The following FIP1L1 variants were observed in gnomAD, a reference collection of about 807,000 sequenced individuals.
FIP1L1 encodes the protein factor interacting with PAPOLA and CPSF1, also known as pre-mRNA 3'-end-processing factor FIP1.
FIP1L1 carries 21 observed loss-of-function variants against 84.6 expected under a neutral mutation model. That is an observed-to-expected ratio of 0.25 (90% CI 0.18 to 0.36). The LOEUF (loss-of-function observed/expected upper bound fraction) is 0.36. FIP1L1 is among the 10% of genes least tolerant of loss of function. The pLI is 1.00. For synonymous variants in FIP1L1, 263 were observed against 242.3 expected (o/e 1.09, Z -0.80); for missense variants, 526 against 751.1 (o/e 0.70, Z 3.50).
intron 5 of FIP1L1, among the ~76,000 whole-genome samples, chr4:53,388,030 T>C (rs1742050290): frequency 6.6e-6 from 1 of 152,228 alleles, no homozygotes; most frequent in African/African-American, 2.4e-5. Flanking sequence ...AGTAGTAATA[T>C]TTGGTCCACT....
chr4:53,390,476 C>T (rs1030609504), intron 6 of FIP1L1, 45 bp from the exon 7 acceptor site: 22 of 1,248,386 alleles, frequency 1.8e-5, no homozygotes, highest in Non-Finnish European at 2.6e-5. Flanking sequence ...TATCGCCTGG[C>T]TTCTTGCAAG....
chr4:53,380,176 CGTG>C (rs1737055256), intron 3 of FIP1L1, among the ~76,000 whole-genome samples: 1 of 99,436 alleles, frequency 1.0e-5, no homozygotes, highest in East Asian at 2.4e-4. Context: ...AAAACTTGTA[CGTG>C]AATATTCATA....
intron 9 of FIP1L1, among the ~76,000 whole-genome samples, chr4:53,397,789 G>T (rs1279217862): frequency 1.3e-5 from 2 of 152,130 alleles, no homozygotes. Context: ...TAATTTCTAT[G>T]GTTCTTTTTT....
At chr4:53,456,035 A>T (rs1264493103) in intron 16 of FIP1L1, among the ~76,000 whole-genome samples, 1 of 152,146 alleles carries the variant, frequency 6.6e-6, no homozygotes, top group Non-Finnish European at 1.5e-5. Flanking sequence ...GACTTTAGCC[A>T]ATTAAGTGCA....
chr4:53,418,593 G>A lies in FIP1L1; in HGVS notation c.923+3871G>A, dbSNP rs539891357. Among the ~76,000 whole-genome samples, 4 of 152,304 alleles carry A rather than the reference G, an allele frequency of 2.6e-5. No homozygotes were observed. The South Asian group carries it at 8.3e-4, about 32-fold the overall frequency. ...GAAACTGGTAATATGGATGATTGCT[G>A]TAAACATATCCTAATGCACAGTTTA... On this transcript the variant is annotated intron_variant, in intron 11 of 17. Transcript: ENST00000337488.
chr4:53,453,211 T>A, intron 16 of FIP1L1, 78 bp downstream of exon 16: 1 of 1,528,670 alleles, frequency 6.5e-7, no homozygotes, highest in South Asian at 1.1e-5. Context: ...AGGAAGTGAA[T>A]TTCAGTTCAC....
intron 16 of FIP1L1, among the ~76,000 whole-genome samples, chr4:53,454,984 C>T (rs1427865751): frequency 6.6e-6 from 1 of 152,158 alleles, no homozygotes; most frequent in Non-Finnish European, 1.5e-5. Flanking sequence ...TACTGCTTCA[C>T]CTTGTACTTT....
chr4:53,380,473 A>G (rs560672778), intron 3 of FIP1L1, among the ~76,000 whole-genome samples: 1 of 152,332 alleles, frequency 6.6e-6, no homozygotes, highest in Non-Finnish European at 1.5e-5. Context: ...GGAATTAGAT[A>G]GTTGTGATGG....
At chr4:53,426,428 G>T (rs1000509801) in intron 12 of FIP1L1, among the ~76,000 whole-genome samples, 2 of 152,158 alleles carry the variant, frequency 1.3e-5, no homozygotes, top group Admixed American at 6.5e-5. Flanking sequence ...CCTGAGTTTT[G>T]ATTGTGATCC....
chr4:53,402,670 C>T (rs1750913745), intron 10 of FIP1L1, among the ~76,000 whole-genome samples: 1 of 152,116 alleles, frequency 6.6e-6, no homozygotes, highest in East Asian at 1.9e-4. Context: ...CCACTGCACT[C>T]CAGCCTTGGC....
At chr4:53,419,972 G>T (rs923155356) in intron 11 of FIP1L1, among the ~76,000 whole-genome samples, 8 of 151,974 alleles carry the variant, frequency 5.3e-5, no homozygotes, top group Admixed American at 5.2e-4. Flanking sequence ...ACTTTGGGAG[G>T]CCGAGGCGGG....
chr4:53,405,553 T>C (rs1178215187), intron 10 of FIP1L1, among the ~76,000 whole-genome samples: 1 of 149,224 alleles, frequency 6.7e-6, no homozygotes, highest in East Asian at 2.0e-4. Context: ...AGAAAGTCAT[T>C]GGTAGCTTGA....
intron 10 of FIP1L1, among the ~76,000 whole-genome samples, chr4:53,402,211 G>A (rs1750620370): frequency 6.6e-6 from 1 of 152,154 alleles, no homozygotes. Flanking sequence ...TCCTGACCAG[G>A]ATCATTTTCA....
At chr4:53,414,854 G>A in intron 11 of FIP1L1, 132 bp downstream of exon 11, 2 of 567,596 alleles carry the variant, frequency 3.5e-6, no homozygotes, top group Non-Finnish European at 6.2e-6. Flanking sequence ...TCAGGGTACA[G>A]TTGTAGGTTT....
chr4:53,420,011 A>G (rs1428898250), intron 11 of FIP1L1, among the ~76,000 whole-genome samples: 6 of 151,804 alleles, frequency 4.0e-5, no homozygotes, highest in South Asian at 2.1e-4. Flanking sequence ...GATCGAGACC[A>G]CGGTGCAACC....
At chr4:53,440,346 T>A (rs1387124475) in intron 13 of FIP1L1, among the ~76,000 whole-genome samples, 1 of 151,996 alleles carries the variant, frequency 6.6e-6, no homozygotes, top group African/African-American at 2.4e-5. Flanking sequence ...AACTTTGTGA[T>A]TACTAGTGGG....
intron 10 of FIP1L1, among the ~76,000 whole-genome samples, chr4:53,407,260 A>G (rs1754114777): frequency 6.6e-6 from 1 of 151,874 alleles, no homozygotes; most frequent in Non-Finnish European, 1.5e-5. Context: ...CTTTCATTTC[A>G]TTATTTACCC....
chr4:53,420,371 G>T (rs1761876768), intron 11 of FIP1L1, among the ~76,000 whole-genome samples: 1 of 149,132 alleles, frequency 6.7e-6, no homozygotes, highest in South Asian at 2.1e-4. Flanking sequence ...AGAGGTTGTG[G>T]TGAGCTGAGA....
intron 8 of FIP1L1, 93 bp from the exon 9 acceptor site, chr4:53,391,337 A>T: frequency 8.1e-7 from 1 of 1,234,986 alleles, no homozygotes; most frequent in East Asian, 2.3e-5. Flanking sequence ...CTTACTTTCA[A>T]ATCACAGACT....
Sources: gnomAD v4.1 joint callset for allele counts (sites outside exome capture counted in the v4.1 genomes callset) on GRCh38, gnomAD v4.1.1 for gene constraint, MANE v1.5 for transcripts, NCBI Gene and HGNC (gene_info 2026-07-23, HGNC 2026-07-21) for gene names.